The following TRPC1 variants were observed in gnomAD, a reference collection of about 807,000 sequenced individuals.
TRPC1 encodes short transient receptor potential channel 1.
TRPC1 carries 42 observed loss-of-function variants against 88.2 expected under a neutral mutation model. The observed-to-expected ratio is 0.48, with a 90% CI of 0.37 to 0.62. The LOEUF (loss-of-function observed/expected upper bound fraction) is 0.62, where lower values mean the gene tolerates loss of function less well. Ranked by LOEUF, TRPC1 falls within the 20% of genes least tolerant of loss-of-function variation. TRPC1 has a pLI of 0.00. For missense variants in TRPC1, 699 were observed against 957.3 expected (o/e 0.73, Z 3.56); for synonymous variants, 288 against 331.8 (o/e 0.87, Z 1.43).
intron 9 of TRPC1, among the ~76,000 whole-genome samples, chr3:142,796,136 G>C (rs780830610): frequency 6.6e-6 from 1 of 152,002 alleles, no homozygotes; most frequent in Non-Finnish European, 1.5e-5. Flanking sequence ...AAGAATCTGA[G>C]GCATAGAGAC....
chr3:142,794,870 C>A lies in TRPC1; in HGVS notation c.1581+1903C>A, dbSNP rs1043155859. Among the ~76,000 whole-genome samples the A allele has an allele frequency of 5.9e-5, 9 of 152,174 alleles. No homozygotes were observed. In the East Asian group the frequency reaches 1.7e-3, roughly 29 times the overall value. ...AAGATGTGAAAGGATTAAATTTTTT[C>A]CAAGTAACTTAAATGTGTTCATTAA... On this transcript the variant is annotated intron_variant, in intron 9 of 12. Coordinates refer to ENST00000476941, the MANE Select transcript of TRPC1 (RefSeq NM_001251845.2).
chr3:142,780,749 T>TGC, intron 5 of TRPC1, 85 bp from the exon 6 acceptor site: 1 of 1,310,730 alleles, frequency 7.6e-7, no homozygotes, highest in Non-Finnish European at 1.0e-6. Flanking sequence ...ATTAAAATGT[T>TGC]GCTGAGTAAA....
At chr3:142,780,476 TATAAA>T (rs1409538802) in intron 5 of TRPC1, among the ~76,000 whole-genome samples, 1 of 152,310 alleles carries the variant, frequency 6.6e-6, no homozygotes, top group East Asian at 1.9e-4. Flanking sequence ...AGGTGAGTAA[TATAAA>T]AGGAAGTTTT....
chr3:142,806,250 A>T lies in TRPC1; in HGVS notation c.*15A>T, dbSNP rs746258219. ...CAAGAAATTAACCATTTTCTAAATC[A>T]TGGAGCGAATAATTTTCAATAACAG... On this transcript the variant is annotated 3_prime_UTR_variant, in exon 13 of 13. Transcript: ENST00000476941. The T allele has an allele frequency of 6.3e-7, 1 of 1,585,478 alleles. No individual in the cohort carries two copies. The highest frequency in any genetic ancestry group is 1.1e-5 in the South Asian group (1 of 88,628).
intron 7 of TRPC1, among the ~76,000 whole-genome samples, chr3:142,789,426 A>T (rs1444708906): frequency 6.6e-6 from 1 of 152,208 alleles, no homozygotes; most frequent in Non-Finnish European, 1.5e-5. Context: ...TGGAATTGTT[A>T]AAAATGTTTT....
intron 4 of TRPC1, among the ~76,000 whole-genome samples, chr3:142,759,757 C>T (rs750740036): frequency 8.9e-4 from 136 of 152,166 alleles, no homozygotes; most frequent in Non-Finnish European, 1.6e-3. Context: ...GAAGTCCCTG[C>T]CCATGCCTAT....
At chr3:142,787,968 A>G in intron 7 of TRPC1, among the ~76,000 whole-genome samples, 1 of 152,074 alleles carries the variant, frequency 6.6e-6, no homozygotes, top group East Asian at 1.9e-4. Context: ...AGAGAATGGT[A>G]CAAAGAAGGG....
chr3:142,749,387 T>TA (rs1269476137), intron 4 of TRPC1, among the ~76,000 whole-genome samples: 3 of 152,098 alleles, frequency 2.0e-5, no homozygotes, highest in East Asian at 1.9e-4. Flanking sequence ...CTTCTACTTA[T>TA]AAAAAAATAG....
rs751112702 is a variant in TRPC1 at position 142,743,540 on chromosome 3, T to C, written c.383T>C (p.Ile128Thr). 2.6e-6 allele frequency: 4 copies of C among 1,528,814 alleles called. No individual in the cohort carries two copies. The highest frequency in any genetic ancestry group is 2.6e-6 in the Non-Finnish European group (3 of 1,143,638). The allele number at this position is 1,528,814 out of a possible 1,614,324, so 94.7% of individuals were successfully genotyped here. ...TCTGAAGTAGTGGGAGCTGTTGATA[T>C]ACTACTTAATCATCGACCAAAACGA... ...IDSEVVGAVD[I>T]LLNHRPKRSS... Residue 128 changes from isoleucine (I) to threonine (T), a missense_variant, in exon 3 of 13, where the codon ATA becomes ACA. This residue lies in a region of TRPC1 where 426 missense variants were observed against 641.3 expected (regional missense o/e 0.66). Coordinates refer to ENST00000476941, the MANE Select transcript of TRPC1 (RefSeq NM_001251845.2).
intron 2 of TRPC1, among the ~76,000 whole-genome samples, chr3:142,738,877 A>G (rs1934241290): frequency 6.6e-6 from 1 of 152,240 alleles, no homozygotes; most frequent in Non-Finnish European, 1.5e-5. Flanking sequence ...ACTCTCTGCC[A>G]GGAACCTTAA....
At position 142,780,950 on chromosome 3, in the gene TRPC1, C is replaced by T. The variant is rs1343320158; in HGVS notation, c.881C>T (p.Pro294Leu). The change falls in exon 6 of 13, where the codon CCT becomes CTT. Residue 294 changes from proline to leucine, a missense_variant. Coordinates refer to ENST00000476941, the MANE Select transcript of TRPC1 (RefSeq NM_001251845.2). The part of the protein sequence containing the change: ...VILNHTSSDE[P>L]LDKRGLLEER... ...CTAAACCATACGTCTAGTGACGAGC[C>T]TCTTGACAAACGGGGATTATTAGAA... 1 of 1,613,698 alleles carries T rather than the reference C, an allele frequency of 6.2e-7. No homozygotes were observed. Among genetic ancestry groups the T allele is most frequent in the Non-Finnish European group, 8.5e-7 (1 of 1,179,814 alleles).
At chr3:142,729,087 G>T (rs961620407) in intron 1 of TRPC1, among the ~76,000 whole-genome samples, 3 of 152,160 alleles carry the variant, frequency 2.0e-5, no homozygotes, top group Admixed American at 1.3e-4. Flanking sequence ...CAATGTAATA[G>T]TTGAAAAACA....
At chr3:142,740,605 T>C (rs1366344365) in intron 2 of TRPC1, among the ~76,000 whole-genome samples, 1 of 152,238 alleles carries the variant, frequency 6.6e-6, no homozygotes, top group African/African-American at 2.4e-5. Flanking sequence ...AAATGAATTG[T>C]TGAAGATATC....
intron 4 of TRPC1, among the ~76,000 whole-genome samples, chr3:142,752,667 C>A (rs199842994): frequency 1.4e-3 from 190 of 140,448 alleles, no homozygotes; most frequent in African/African-American, 2.5e-3. Context: ...TCTCATCCCA[C>A]GAGGCCATAT....
intron 7 of TRPC1, among the ~76,000 whole-genome samples, chr3:142,790,310 T>G (rs1305084601): frequency 1.3e-5 from 2 of 152,052 alleles, no homozygotes; most frequent in African/African-American, 4.8e-5. Flanking sequence ...ATAGGTAATT[T>G]GGAGACTTGC....
intron 6 of TRPC1, among the ~76,000 whole-genome samples, chr3:142,781,363 T>G (rs112489651): frequency 2.0e-4 from 31 of 152,324 alleles, no homozygotes; most frequent in African/African-American, 7.5e-4. Context: ...TAAGATCCTT[T>G]GTAGTAGGTA....
intron 2 of TRPC1, among the ~76,000 whole-genome samples, chr3:142,736,830 T>C (rs1460534668): frequency 1.3e-5 from 2 of 152,138 alleles, no homozygotes; most frequent in African/African-American, 4.8e-5. Context: ...TTGTTTTCAT[T>C]ACCTATGTTA....
In TRPC1 at chr3:142,764,011, TATATAA is replaced by T. The variant is rs1485248845; in HGVS notation, c.633-13620_633-13615del. 1.0e-3 allele frequency among the ~76,000 whole-genome samples: 109 copies of T among 107,840 alleles called. 4 individuals carry two copies. Among genetic ancestry groups the T allele is most frequent in the African/African-American group, 4.1e-3 (102 of 24,976 alleles). The allele number at this position is 107,840 out of a possible 152,430, so 70.7% of individuals were successfully genotyped here. ...ACATACATACATACATATATATATA[TATATAA>T]CAAATTATTTTAAAGAGATGACACT... is the stretch of plus-strand genomic sequence containing the variant. On this transcript the variant is annotated intron_variant, in intron 4 of 12. Transcript: ENST00000476941.
Position 142,724,632 on chromosome 3 carries a change from T to G in TRPC1, c.73T>G (p.Ser25Ala). 4 of 1,612,408 alleles carry G rather than the reference T, an allele frequency of 2.5e-6. No homozygotes were observed. Among genetic ancestry groups the G allele is most frequent in the Non-Finnish European group, 3.4e-6 (4 of 1,179,348 alleles). ...CTCCTCCCTGCCTTCCTCTCCATCC[T>G]CTTCCTCGCCGAACGAGGTGATGGC... Reference protein sequence around the residue: ...SSSSLPSSPSSSSPNEVMALK... With the variant: ...SSSSLPSSPSASSPNEVMALK... Residue 25 changes from serine to alanine, a missense_variant, in exon 1 of 13, where the codon TCT (serine) becomes GCT (alanine). Coordinates refer to ENST00000476941, the MANE Select transcript of TRPC1 (RefSeq NM_001251845.2). The surrounding 1 kb of genome is among the most constrained non-coding windows in gnomAD (Gnocchi z 5.6).
Sources: allele counts gnomAD v4.1 joint callset (sites outside exome capture counted in the v4.1 genomes callset), GRCh38; gene constraint gnomAD v4.1.1; regional missense constraint gnomAD v4.1.1; non-coding constraint Gnocchi (gnomAD v3.1); transcripts MANE v1.5; gene names NCBI Gene and HGNC (gene_info 2026-07-23, HGNC 2026-07-21).